The following ADTRP variants were observed in gnomAD, a reference collection of about 807,000 sequenced individuals.
ADTRP encodes the protein androgen dependent TFPI regulating protein.
In ADTRP, 20 loss-of-function variants were observed where a neutral mutation model predicts 27.0. The observed-to-expected ratio is 0.74, with a 90% CI of 0.52 to 1.08. The LOEUF is 1.08. ADTRP is among the 50% of genes least tolerant of loss of function. The probability of loss-of-function intolerance (pLI) is 0.00; values close to 1 mark genes in which losing one functional copy is unlikely to be tolerated. For synonymous variants in ADTRP, 101 were observed against 105.2 expected (o/e 0.96, Z 0.25); for missense variants, 251 against 275.0 (o/e 0.91, Z 0.62).
At chr6:11,732,414 C>T (rs550695007) in intron 4 of ADTRP, among the ~76,000 whole-genome samples, 1 of 152,304 alleles carries the variant, frequency 6.6e-6, no homozygotes, top group Admixed American at 6.5e-5. Context: ...AGCCACTTCC[C>T]TAAAACGTCT....
chr6:11,765,118 A>C (rs1160634359), intron 3 of ADTRP, among the ~76,000 whole-genome samples: 1 of 125,248 alleles, frequency 8.0e-6, no homozygotes, highest in East Asian at 2.2e-4. Flanking sequence ...ACTGAGCACA[A>C]AATTTAAGCT....
chr6:11,732,743 G>A lies in ADTRP; in HGVS notation c.506+2825C>T, dbSNP rs2113895771. On this transcript the variant is annotated intron_variant, in intron 4 of 5. Coordinates refer to ENST00000414691, the MANE Select transcript of ADTRP (RefSeq NM_032744.4). ...CTGGGGCTCACCCAGTCACGTTCCT[G>A]CTGGTGACAGGTCTCCATCCCTTCC... is the stretch of plus-strand genomic sequence containing the variant. Among the ~76,000 whole-genome samples, 2 of 151,888 alleles carry A rather than the reference G, an allele frequency of 1.3e-5. 1 individual carries two copies. Among genetic ancestry groups the A allele is most frequent in the Middle Eastern group, 6.8e-3 (2 of 292 alleles).
chr6:11,732,958 A>C (rs1224776312), intron 4 of ADTRP, among the ~76,000 whole-genome samples: 2 of 152,228 alleles, frequency 1.3e-5, no homozygotes, highest in Non-Finnish European at 2.9e-5. Context: ...CACAGTGGAA[A>C]GACAACTGGA....
intron 1 of ADTRP, among the ~76,000 whole-genome samples, chr6:11,776,968 T>C (rs144763265): frequency 1.3e-5 from 2 of 152,282 alleles, no homozygotes; most frequent in African/African-American, 2.4e-5. Flanking sequence ...AGTGGCTGGA[T>C]TGGACCATGA....
chr6:11,771,542 G>T (rs970378751), intron 1 of ADTRP, among the ~76,000 whole-genome samples: 11 of 152,152 alleles, frequency 7.2e-5, no homozygotes, highest in African/African-American at 2.7e-4. Context: ...CGAACGGTCT[G>T]CTTATTCTCC....
intron 3 of ADTRP, among the ~76,000 whole-genome samples, chr6:11,739,999 C>T (rs991222958): frequency 6.6e-6 from 1 of 152,194 alleles, no homozygotes; most frequent in South Asian, 2.1e-4. Flanking sequence ...ATAATCTCTG[C>T]TTCTTTCCTC....
chr6:11,767,212 A>G (rs111633045), intron 2 of ADTRP, among the ~76,000 whole-genome samples: 2,357 of 152,274 alleles, frequency 0.015, 68 homozygotes, highest in African/African-American at 0.054. Context: ...TCTCTACCAA[A>G]AATACAAAAA....
At chr6:11,728,553 T>G (rs1762288462) in intron 4 of ADTRP, 1 of 152,228 alleles carries the variant, frequency 6.6e-6, no homozygotes, top group Non-Finnish European at 1.5e-5. Context: ...AGTCTATTTC[T>G]CTAGAAAAGA....
At chr6:11,748,050 C>T (rs910175670) in intron 3 of ADTRP, among the ~76,000 whole-genome samples, 1 of 152,100 alleles carries the variant, frequency 6.6e-6, no homozygotes, top group Admixed American at 6.5e-5. Context: ...TTTTAGCTAC[C>T]GCACCAATCA....
intron 1 of ADTRP, among the ~76,000 whole-genome samples, chr6:11,771,845 G>A (rs959115887): frequency 1.3e-5 from 2 of 152,154 alleles, no homozygotes; most frequent in Non-Finnish European, 2.9e-5. Flanking sequence ...CCACGTGAGG[G>A]CACAGGGAGA....
At chr6:11,719,441 T>C (rs1270827837) in intron 5 of ADTRP, among the ~76,000 whole-genome samples, 1 of 152,190 alleles carries the variant, frequency 6.6e-6, no homozygotes, top group Non-Finnish European at 1.5e-5. Flanking sequence ...AAAATACCCA[T>C]GTCGAGTCAC....
At chr6:11,752,151 T>G (rs1763076315) in intron 3 of ADTRP, among the ~76,000 whole-genome samples, 1 of 152,226 alleles carries the variant, frequency 6.6e-6, no homozygotes, top group Admixed American at 6.5e-5. Context: ...CTCACTCTTC[T>G]TGGTACCTTT....
At chr6:11,777,576 A>G (rs1210534238) in intron 1 of ADTRP, among the ~76,000 whole-genome samples, 1 of 152,190 alleles carries the variant, frequency 6.6e-6, no homozygotes, top group Non-Finnish European at 1.5e-5. Context: ...AAATTCCATG[A>G]TTGAAACAAG....
intron 1 of ADTRP, among the ~76,000 whole-genome samples, chr6:11,769,215 G>A (rs1294744980): frequency 6.6e-6 from 1 of 152,188 alleles, no homozygotes; most frequent in African/African-American, 2.4e-5. Flanking sequence ...AGTTAGGCTT[G>A]CGACAGAATC....
intron 3 of ADTRP, among the ~76,000 whole-genome samples, chr6:11,752,862 G>A (rs1763101440): frequency 6.6e-6 from 1 of 152,222 alleles, no homozygotes; most frequent in Non-Finnish European, 1.5e-5. Flanking sequence ...CTGCAACGCA[G>A]AGGAGAATGG....
chr6:11,754,898 C>G (rs1310644101), intron 3 of ADTRP: 1 of 396,682 alleles, frequency 2.5e-6, no homozygotes, highest in African/African-American at 2.2e-5. Flanking sequence ...CTCTCATCCG[C>G]CCAGCAGGCT....
intron 3 of ADTRP, among the ~76,000 whole-genome samples, chr6:11,745,372 G>A (rs1042040938): frequency 5.9e-5 from 9 of 152,130 alleles, no homozygotes; most frequent in Admixed American, 6.5e-5. Flanking sequence ...TAACTGAAAG[G>A]TATATAAGAT....
At chr6:11,724,608 C>A (rs1347324375) in intron 4 of ADTRP, among the ~76,000 whole-genome samples, 1 of 152,190 alleles carries the variant, frequency 6.6e-6, no homozygotes, top group Non-Finnish European at 1.5e-5. Flanking sequence ...TGTGGGGAAG[C>A]TGATGCATCA....
At position 11,766,320 on chromosome 6, in the gene ADTRP, G is replaced by C; in HGVS notation, c.344C>G (p.Pro115Arg). 1 of 1,612,724 alleles carries C rather than the reference G, an allele frequency of 6.2e-7. No homozygotes were observed. Among genetic ancestry groups the C allele is most frequent in the Non-Finnish European group, 8.5e-7 (1 of 1,179,312 alleles). ...LFLYNRDLIY[P>R]KVLDTVIPVW... The stretch of plus-strand genomic sequence containing the variant: ...GGGGATGACAGTATCTAGGACCTTG[G>C]GGTAAATGAGATCTCGATTGTAGAG... The change falls in exon 3 of 6, where the codon CCC becomes CGC. Residue 115 changes from proline to arginine, a missense_variant. Coordinates refer to ENST00000414691, the MANE Select transcript of ADTRP (RefSeq NM_032744.4).
Sources: allele counts gnomAD v4.1 joint callset (sites outside exome capture counted in the v4.1 genomes callset), GRCh38; gene constraint gnomAD v4.1.1; transcripts MANE v1.5; gene names NCBI Gene and HGNC (gene_info 2026-07-23, HGNC 2026-07-21).